Variants in ADAMTS5 observed in about 807,000 individuals in gnomAD.
The protein encoded by ADAMTS5 is A disintegrin and metalloproteinase with thrombospondin motifs 5.
A neutral mutation model predicts 81.4 loss-of-function variants in ADAMTS5; 54 were observed. That is an observed-to-expected ratio of 0.66 (90% CI 0.53 to 0.83). The LOEUF (loss-of-function observed/expected upper bound fraction) is 0.83, where lower values mean the gene tolerates loss of function less well. ADAMTS5 is among the 40% of genes least tolerant of loss of function. ADAMTS5 has a pLI of 0.00. For missense variants in ADAMTS5, 1,194 were observed against 1,229.9 expected (o/e 0.97, Z 0.44); for synonymous variants, 532 against 508.8 (o/e 1.05, Z -0.61).
intron 1 of ADAMTS5, 111 bp downstream of exon 1, chr21:26,965,177 C>T (rs1386397184): frequency 1.9e-5 from 27 of 1,434,498 alleles, no homozygotes; most frequent in Non-Finnish European, 2.5e-5. Flanking sequence ...AGCAGTTAAA[C>T]ACATCCACAG....
chr21:26,924,251 A>G lies in ADAMTS5; in HGVS notation c.2595T>C (p.His865=), dbSNP rs201648090. 6.6e-5 allele frequency: 106 copies of G among 1,614,206 alleles called. 1 individual carries two copies. Among genetic ancestry groups the G allele is most frequent in the East Asian group, 5.8e-4 (26 of 44,878 alleles). Residue 865 remains histidine, a synonymous_variant, in exon 8 of 8, where the codon CAT becomes CAC. Coordinates refer to ENST00000284987, the MANE Select transcript of ADAMTS5 (RefSeq NM_007038.5). ...TGTGTGATCCCACTTTATTGCTGCC[A>G]TGACTAGTGACAGAGTTTACTTTTG... ...STPKVNSVTS[H]GSNKVGSHTS...
Position 26,920,567 on chromosome 21 carries a change from G to A in ADAMTS5, c.*3486C>T, listed in dbSNP as rs1054988897. ...ACAGACAACATTTGGTTTTATTATC[G>A]TTTGTATCCCTCAGAAGTTGTGTGT... On this transcript the variant is annotated 3_prime_UTR_variant, in exon 8 of 8. Transcript: ENST00000284987. 6.6e-6 allele frequency: 1 copy of A among 152,012 alleles called. No homozygotes were observed. Among genetic ancestry groups the A allele is most frequent in the East Asian group, 1.9e-4 (1 of 5,194 alleles). 9.4% of individuals were successfully genotyped at this position (152,012 alleles called of 1,614,324 possible).
In ADAMTS5 at chr21:26,966,100, A is replaced by G. The variant is rs1348425399; in HGVS notation, c.292T>C (p.Phe98Leu). 3.1e-6 allele frequency: 5 copies of G among 1,612,566 alleles called. No homozygotes were observed. In the Admixed American group the frequency reaches 6.7e-5, roughly 22 times the overall value. ...GYLVYAGGRR[F>L]LLDLERDGSV... ...CCATCTCGCTCCAGGTCCAAGAGGA[A>G]CCTCCGGCCGCCCGCGTAGACGAGG... is the stretch of plus-strand genomic sequence containing the variant. The change falls in exon 1 of 8, where the codon TTC becomes CTC. Residue 98 changes from phenylalanine (F) to leucine (L), a missense_variant. This residue lies in a region of ADAMTS5 where 498 missense variants were observed against 412.3 expected (regional missense o/e 1.21). Coordinates refer to ENST00000284987, the MANE Select transcript of ADAMTS5 (RefSeq NM_007038.5).
intron 7 of ADAMTS5, among the ~76,000 whole-genome samples, chr21:26,924,839 G>T (rs1014033504): frequency 6.6e-6 from 1 of 152,102 alleles, no homozygotes; most frequent in African/African-American, 2.4e-5. Context: ...TTTAATTGAG[G>T]TGTTCAAAAT....
intron 7 of ADAMTS5, 88 bp from the exon 8 acceptor site, chr21:26,924,708 C>T: frequency 3.7e-6 from 4 of 1,089,534 alleles, no homozygotes; most frequent in Non-Finnish European, 5.3e-6. Flanking sequence ...AATAAATACA[C>T]AAACAGAAGT....
chr21:26,949,674 TA>T (rs968378175), intron 2 of ADAMTS5, among the ~76,000 whole-genome samples: 36 of 152,334 alleles, frequency 2.4e-4, no homozygotes, highest in African/African-American at 7.2e-4. Context: ...ATTAAGTTTT[TA>T]AAAACTGACA....
intron 1 of ADAMTS5, among the ~76,000 whole-genome samples, chr21:26,957,468 GA>G (rs1477320216): frequency 6.6e-6 from 1 of 151,510 alleles, no homozygotes; most frequent in Non-Finnish European, 1.5e-5. Context: ...TAGATAGATA[GA>G]TAGATAGATA....
In ADAMTS5 at chr21:26,933,032, C is replaced by T. The variant is rs1488877051; in HGVS notation, c.1702G>A (p.Gly568Ser). 3 of 1,612,792 alleles carry T rather than the reference C, an allele frequency of 1.9e-6. No individual in the cohort carries two copies. The highest frequency in any genetic ancestry group is 3.3e-5 in the Admixed American group (2 of 59,726). Residue 568 changes from glycine to serine, a missense_variant, in exon 5 of 8, where the codon GGC (glycine) becomes AGC (serine). Gly to Ser is a moderately conservative substitution (Grantham distance 56, BLOSUM62 0). This residue lies in a region of ADAMTS5 where 696 missense variants were observed against 817.6 expected (regional missense o/e 0.85). Transcript: ENST00000284987. ...KKKYYSTSSH[G>S]NWGSWGSWGQ... ...CAGGATCCCCAAGATCCCCAGTTGCCATGGCTTGACGTCTGAAATAGAGAA... is the reference window on the plus strand; with the variant it reads ...CAGGATCCCCAAGATCCCCAGTTGCTATGGCTTGACGTCTGAAATAGAGAA...
rs951365371 is a variant in ADAMTS5 at position 26,965,844 on chromosome 21, C to G, written c.548G>C (p.Gly183Ala). The G allele has an allele frequency of 6.2e-7, 1 of 1,612,328 alleles. No homozygotes were observed. Among genetic ancestry groups the G allele is most frequent in the African/African-American group, 1.3e-5 (1 of 74,926 alleles). ...WAEEEKGRVY[G>A]DGSARILHVY... ...GTGCAGGATCCGTGCGGACCCATCC[C>G]CGTACACGCGCCCCTTTTCTTCCTC... The change falls in exon 1 of 8, where the codon GGG becomes GCG. Residue 183 changes from glycine (G) to alanine (A), a missense_variant. By Grantham distance (60) the Gly-to-Ala change is moderately conservative. This residue lies in a region of ADAMTS5 where 498 missense variants were observed against 412.3 expected (regional missense o/e 1.21). Transcript: ENST00000284987.
chr21:26,942,715 C>T (rs749468350), intron 3 of ADAMTS5, among the ~76,000 whole-genome samples: 3 of 152,142 alleles, frequency 2.0e-5, no homozygotes, highest in Non-Finnish European at 4.4e-5. Context: ...TGATCCTAGT[C>T]TTACAGAATT....
At position 26,966,256 on chromosome 21, in the gene ADAMTS5, G is replaced by A. The variant is rs1237710237; in HGVS notation, c.136C>T (p.Arg46Trp). The A allele has an allele frequency of 1.3e-6, 2 of 1,591,078 alleles. No individual in the cohort carries two copies. Among genetic ancestry groups the A allele is most frequent in the Admixed American group, 3.5e-5 (2 of 57,600 alleles). The change falls in exon 1 of 8, where the codon CGG becomes TGG. Residue 46 changes from arginine (R) to tryptophan (W), a missense_variant. Coordinates refer to ENST00000284987, the MANE Select transcript of ADAMTS5 (RefSeq NM_007038.5). The stretch of plus-strand genomic sequence containing the variant: ...CGCTCCTGCACCTCCTCCCCCTGCC[G>A]CCGGCGGGGCTGGGCGGCTGCTGCA... ...TAAAAAQPRR[R>W]QGEEVQERAE...
rs755167730 is a variant in ADAMTS5 at position 26,954,730 on chromosome 21, G to C, written c.1237+9C>G. On this transcript the variant is annotated intron_variant, in intron 2 of 7. Coordinates refer to ENST00000284987, the MANE Select transcript of ADAMTS5 (RefSeq NM_007038.5). Reference sequence around the variant, plus strand: ...GATTTGGTGAGGGAAAAGAAAAGGCGCTGCATACCGATTTCGTGAGCCACA... The same window carrying C: ...GATTTGGTGAGGGAAAAGAAAAGGCCCTGCATACCGATTTCGTGAGCCACA... 1.9e-5 allele frequency: 31 copies of C among 1,613,168 alleles called. No individual in the cohort carries two copies. Among genetic ancestry groups the C allele is most frequent in the East Asian group, 8.9e-5 (4 of 44,842 alleles).
At chr21:26,960,576 G>A (rs1987511117) in intron 1 of ADAMTS5, among the ~76,000 whole-genome samples, 1 of 152,202 alleles carries the variant, frequency 6.6e-6, no homozygotes, top group Non-Finnish European at 1.5e-5. Context: ...TGAGTACACA[G>A]TGAGAGGGTG....
intron 2 of ADAMTS5, among the ~76,000 whole-genome samples, chr21:26,947,137 A>T (rs1000939022): frequency 6.6e-6 from 1 of 152,216 alleles, no homozygotes; most frequent in Non-Finnish European, 1.5e-5. Flanking sequence ...AAAGATCGAA[A>T]AGCAGTTTGC....
rs1482614670 is a variant in ADAMTS5, at chr21:26,966,930, G to T, written c.-539C>A. ...GGGACCAGGAGGAAGGGAAGAAAGA[G>T]AGGGGAAAAAGCCGTAAAAATTAAA... is the stretch of plus-strand genomic sequence containing the variant. On this transcript the variant is annotated 5_prime_UTR_variant, in exon 1 of 8. Transcript: ENST00000284987. Among the ~76,000 whole-genome samples, 1 of 152,096 alleles carries T rather than the reference G, an allele frequency of 6.6e-6. No individual in the cohort carries two copies. Among genetic ancestry groups the T allele is most frequent in the African/African-American group, 2.4e-5 (1 of 41,424 alleles).
chr21:26,948,315 C>T (rs931608921), intron 2 of ADAMTS5, among the ~76,000 whole-genome samples: 1 of 152,180 alleles, frequency 6.6e-6, no homozygotes, highest in Admixed American at 6.5e-5. Context: ...GAATTTCAAG[C>T]TCTTGTCTCC....
intron 2 of ADAMTS5, among the ~76,000 whole-genome samples, chr21:26,953,196 A>G (rs905165873): frequency 6.6e-6 from 1 of 152,126 alleles, no homozygotes. Flanking sequence ...AGAAATGGAG[A>G]CTCAAAGTAT....
rs747136645 is a variant in ADAMTS5, at chr21:26,920,495, C to G, written c.*3558G>C. 3 of 152,058 alleles carry G rather than the reference C, an allele frequency of 2.0e-5. No homozygotes were observed. Among genetic ancestry groups the G allele is most frequent in the Non-Finnish European group, 4.4e-5 (3 of 67,998 alleles). 9.4% of individuals were successfully genotyped at this position (152,058 alleles called of 1,614,324 possible). On this transcript the variant is annotated 3_prime_UTR_variant, in exon 8 of 8. Coordinates refer to ENST00000284987, the MANE Select transcript of ADAMTS5 (RefSeq NM_007038.5). ...GCTCATCTGTAGAATCCTACAGACA[C>G]TAGAGACTAAATGATATTAATTTTA...
At chr21:26,961,763 C>A (rs1417220624) in intron 1 of ADAMTS5, among the ~76,000 whole-genome samples, 4 of 152,180 alleles carry the variant, frequency 2.6e-5, no homozygotes, top group African/African-American at 7.2e-5. Context: ...GATTCCTTGA[C>A]AAGGGTTCAC....
Sources: gnomAD v4.1 joint callset for allele counts (sites outside exome capture counted in the v4.1 genomes callset) on GRCh38, gnomAD v4.1.1 for gene constraint, gnomAD v4.1.1 regional missense constraint, MANE v1.5 for transcripts, NCBI Gene and HGNC (gene_info 2026-07-23, HGNC 2026-07-21) for gene names.